The following CNTNAP2 variants were observed in gnomAD, a reference collection of about 807,000 sequenced individuals.
The protein encoded by CNTNAP2 is contactin-associated protein-like 2.
In CNTNAP2, 98 loss-of-function variants were observed where a neutral mutation model predicts 155.2. The observed-to-expected ratio is 0.63, with a 90% confidence interval of 0.54 to 0.75. The LOEUF (loss-of-function observed/expected upper bound fraction) is 0.75, where lower values mean the gene tolerates loss of function less well. Among genes scored for constraint, CNTNAP2 ranks in the 30% least tolerant of loss-of-function variants. The pLI is 0.00. For synonymous variants in CNTNAP2, 651 were observed against 631.2 expected (o/e 1.03, Z -0.47); for missense variants, 1,727 against 1,688.1 (o/e 1.02, Z -0.40).
chr7:146,595,402 A>G lies in CNTNAP2; in HGVS notation c.98-178869A>G, dbSNP rs530968051. On this transcript the variant is annotated intron_variant, in intron 1 of 23. Coordinates refer to ENST00000361727, the MANE Select transcript of CNTNAP2 (RefSeq NM_014141.6). Reference sequence around the variant, plus strand: ...GAAAAATATATAATAGTATGAATACATGGAATTATGTTGATCATGACCATT... The same window carrying G: ...GAAAAATATATAATAGTATGAATACGTGGAATTATGTTGATCATGACCATT... Among the ~76,000 whole-genome samples the G allele has an allele frequency of 6.6e-5, 10 of 152,178 alleles. No individual in the cohort carries two copies. The South Asian group carries it at 2.1e-3, about 32-fold the overall frequency.
At chr7:146,190,310 C>T (rs1012736028) in intron 1 of CNTNAP2, among the ~76,000 whole-genome samples, 8 of 152,068 alleles carry the variant, frequency 5.3e-5, no homozygotes, top group African/African-American at 1.9e-4. Flanking sequence ...TTCTTCTATG[C>T]AGGAACCAAT....
chr7:147,175,966 C>G (rs554144931), intron 8 of CNTNAP2, among the ~76,000 whole-genome samples: 1 of 152,246 alleles, frequency 6.6e-6, no homozygotes, highest in Admixed American at 6.5e-5. Context: ...CAAACATATC[C>G]TAATATCAAA....
At chr7:148,002,073 T>C (rs902396819) in intron 15 of CNTNAP2, among the ~76,000 whole-genome samples, 1 of 152,238 alleles carries the variant, frequency 6.6e-6, no homozygotes, top group Non-Finnish European at 1.5e-5. Flanking sequence ...AAATTTTCTC[T>C]CCATGGCTTG....
intron 13 of CNTNAP2, among the ~76,000 whole-genome samples, chr7:147,830,309 C>T (rs1798527174): frequency 6.6e-6 from 1 of 151,966 alleles, no homozygotes; most frequent in Non-Finnish European, 1.5e-5. Context: ...TCATAGATGG[C>T]TCTTTCTAGC....
intron 1 of CNTNAP2, among the ~76,000 whole-genome samples, chr7:146,403,011 T>TTA (rs144555733): frequency 0.028 from 4,259 of 152,190 alleles, 203 homozygotes; most frequent in African/African-American, 0.097. Flanking sequence ...ACACACTCAC[T>TTA]TATATATATT....
chr7:147,634,149 G>T (rs556861254), intron 12 of CNTNAP2, among the ~76,000 whole-genome samples: 23 of 152,228 alleles, frequency 1.5e-4, no homozygotes, highest in African/African-American at 4.8e-4. Flanking sequence ...AAAGATACTT[G>T]CACACACATT....
At chr7:148,239,003 G>A (rs993335330) in intron 20 of CNTNAP2, among the ~76,000 whole-genome samples, 9 of 151,984 alleles carry the variant, frequency 5.9e-5, no homozygotes, top group Non-Finnish European at 1.2e-4. Context: ...AGGGATGTCA[G>A]AACAAATAAA....
chr7:146,299,027 C>T (rs1800560441), intron 1 of CNTNAP2, among the ~76,000 whole-genome samples: 1 of 152,132 alleles, frequency 6.6e-6, no homozygotes, highest in African/African-American at 2.4e-5. Context: ...GTTATCCCAG[C>T]ACTTTGGGAC....
intron 11 of CNTNAP2, among the ~76,000 whole-genome samples, chr7:147,491,311 A>G (rs1798605484): frequency 6.6e-6 from 1 of 151,500 alleles, no homozygotes; most frequent in African/African-American, 2.4e-5. Flanking sequence ...TGCCCCTCCT[A>G]TACCACGACC....
At chr7:147,815,269 T>C (rs1798246136) in intron 13 of CNTNAP2, among the ~76,000 whole-genome samples, 1 of 152,056 alleles carries the variant, frequency 6.6e-6, no homozygotes, top group Admixed American at 6.6e-5. Context: ...TTGATTCTGC[T>C]GGTTTCTCTG....
chr7:147,977,789 T>A, intron 14 of CNTNAP2, 73 bp from the exon 15 acceptor site: 1 of 1,595,928 alleles, frequency 6.3e-7, no homozygotes, highest in South Asian at 1.1e-5. Flanking sequence ...TTAGACAACG[T>A]AAGCAACTAG....
chr7:146,798,129 A>G (rs1432286439), intron 2 of CNTNAP2, among the ~76,000 whole-genome samples: 1 of 151,946 alleles, frequency 6.6e-6, no homozygotes, highest in Non-Finnish European at 1.5e-5. Context: ...AAAGTTAGCC[A>G]GGTATCCTAG....
chr7:146,613,868 A>G (rs1029541660), intron 1 of CNTNAP2, among the ~76,000 whole-genome samples: 22 of 152,302 alleles, frequency 1.4e-4, no homozygotes, highest in African/African-American at 2.4e-5. Context: ...AGTGATTTCT[A>G]TACCTCTAAA....
rs181117977 is a variant in CNTNAP2, at chr7:146,731,620, T to C, written c.98-42651T>C. ...AACTCACAATATCAGATTGGCAGCC[T>C]GGAAATTAGTATCTTCAGTTGAGGA... On this transcript the variant is annotated intron_variant, in intron 1 of 23. Transcript: ENST00000361727. Among the ~76,000 whole-genome samples, 492 of 152,184 alleles carry C rather than the reference T, an allele frequency of 3.2e-3. 3 individuals carry two copies. Among genetic ancestry groups the C allele is most frequent in the African/African-American group, 0.011 (463 of 41,538 alleles).
intron 1 of CNTNAP2, among the ~76,000 whole-genome samples, chr7:146,189,595 G>T (rs1299738456): frequency 6.6e-6 from 1 of 152,172 alleles, no homozygotes; most frequent in African/African-American, 2.4e-5. Flanking sequence ...AAATTAAACA[G>T]ATTTAAGAAT....
chr7:146,699,542 T>A (rs991530567), intron 1 of CNTNAP2, among the ~76,000 whole-genome samples: 2 of 152,156 alleles, frequency 1.3e-5, no homozygotes, highest in Non-Finnish European at 2.9e-5. Flanking sequence ...TATCCACTTA[T>A]GTGATACAAG....
chr7:148,118,099 T>G lies in CNTNAP2; in HGVS notation c.2384-19T>G. ...ATCAGGGTGTGAGTTAACCTGATTT[T>G]TTTGTTTTCTTCCCACAGGGAATTA... is the stretch of plus-strand genomic sequence containing the variant. On this transcript the variant is annotated intron_variant, in intron 15 of 23. Transcript: ENST00000361727. 4 of 1,613,770 alleles carry G rather than the reference T, an allele frequency of 2.5e-6. No individual in the cohort carries two copies. Among genetic ancestry groups the G allele is most frequent in the Non-Finnish European group, 3.4e-6 (4 of 1,179,984 alleles).
intron 14 of CNTNAP2, among the ~76,000 whole-genome samples, chr7:147,965,367 C>T (rs541903596): frequency 4.6e-5 from 7 of 152,044 alleles, no homozygotes; most frequent in Admixed American, 6.6e-5. Flanking sequence ...TGCTAAAACT[C>T]CTCTAGTTTC....
At chr7:146,483,669 T>G (rs576168085) in intron 1 of CNTNAP2, among the ~76,000 whole-genome samples, 3 of 151,618 alleles carry the variant, frequency 2.0e-5, no homozygotes, top group Non-Finnish European at 2.9e-5. Flanking sequence ...TATGTCTTAT[T>G]TTTTACAAAA....
Sources: allele counts gnomAD v4.1 joint callset (sites outside exome capture counted in the v4.1 genomes callset), GRCh38; gene constraint gnomAD v4.1.1; transcripts MANE v1.5; gene names NCBI Gene and HGNC (gene_info 2026-07-23, HGNC 2026-07-21).